SUV39H2: variants seen among roughly 807,000 people sequenced by gnomAD.
The protein encoded by SUV39H2 is histone-lysine N-methyltransferase SUV39H2.
Under a neutral mutation model 47.5 loss-of-function variants are expected in SUV39H2, and 10 were observed. The observed-to-expected ratio is 0.21, with a 90% CI of 0.13 to 0.36. The LOEUF (loss-of-function observed/expected upper bound fraction) is 0.36. Ranked by LOEUF, SUV39H2 falls within the 10% of genes least tolerant of loss-of-function variation. The pLI is 1.00. For missense variants in SUV39H2, 266 were observed against 487.4 expected, an observed-to-expected ratio of 0.55 and a Z score of 4.28; for synonymous variants, 159 against 166.8, an observed-to-expected ratio of 0.95 and a Z score of 0.36.
chr10:14,894,152 C>T (rs987062924), intron 2 of SUV39H2, among the ~76,000 whole-genome samples: 2 of 151,648 alleles, frequency 1.3e-5, no homozygotes, highest in Admixed American at 6.6e-5. Context: ...GTAGCGGTCA[C>T]CTGAAAGGAG....
chr10:14,887,557 C>G (rs1260707792), intron 2 of SUV39H2, among the ~76,000 whole-genome samples: 1 of 152,140 alleles, frequency 6.6e-6, no homozygotes, highest in Non-Finnish European at 1.5e-5. Context: ...GTAGTGAGAT[C>G]TAACTAGAAA....
At position 14,898,898 on chromosome 10, in the gene SUV39H2, T is replaced by C. The variant is rs546475649; in HGVS notation, c.850-641T>C. On this transcript the variant is annotated intron_variant, in intron 3 of 5. Coordinates refer to ENST00000354919, the MANE Select transcript of SUV39H2 (RefSeq NM_001193424.2). ...ATAGGAAAAATGTGCCTGGATCATA[T>C]TTAGAGCATATACTTGCAGATTTAG... 43 of 281,988 alleles carry C rather than the reference T, an allele frequency of 1.5e-4. No homozygotes were observed. In the South Asian group the frequency reaches 6.7e-3, roughly 44 times the overall value. 17.5% of individuals were successfully genotyped at this position (281,988 alleles called of 1,614,324 possible).
At chr10:14,891,328 G>A (rs774382485) in intron 2 of SUV39H2, among the ~76,000 whole-genome samples, 1 of 152,210 alleles carries the variant, frequency 6.6e-6, no homozygotes, top group Non-Finnish European at 1.5e-5. Context: ...AGCCAGAGAG[G>A]CATCAGGGAA....
In SUV39H2 at chr10:14,879,443, C is replaced by A. The variant is rs187511982; in HGVS notation, c.31+524C>A. Among the ~76,000 whole-genome samples the A allele has an allele frequency of 2.7e-3, 409 of 152,254 alleles. 1 individual carries two copies. The highest frequency in any genetic ancestry group is 4.5e-3 in the Non-Finnish European group (308 of 68,004). ...CTAAGAAAGGGGATAAGCGAGGAAT[C>A]CCCCCCAAGGCGGACACGCTAGGAG... On this transcript the variant is annotated intron_variant, in intron 1 of 5. Transcript: ENST00000354919.
chr10:14,891,405 A>C (rs1397825984), intron 2 of SUV39H2, among the ~76,000 whole-genome samples: 3 of 152,168 alleles, frequency 2.0e-5, no homozygotes, highest in Non-Finnish European at 4.4e-5. Context: ...CAGGGTGGAA[A>C]CCATTAACAG....
At chr10:14,901,057 T>G in intron 4 of SUV39H2, 76 bp from the exon 5 acceptor site, 1 of 1,536,214 alleles carries the variant, frequency 6.5e-7, no homozygotes, top group Non-Finnish European at 8.8e-7. Context: ...TCTAGGAAAG[T>G]AAACATTTTA....
chr10:14,886,792 C>G (rs915398710), intron 2 of SUV39H2, among the ~76,000 whole-genome samples: 4 of 152,164 alleles, frequency 2.6e-5, no homozygotes, highest in Non-Finnish European at 5.9e-5. Flanking sequence ...AAGAAATAAC[C>G]CGTTGCAGTG....
intron 1 of SUV39H2, chr10:14,879,124 G>T (rs1832961144): frequency 1.6e-6 from 2 of 1,267,962 alleles, no homozygotes; most frequent in African/African-American, 3.1e-5. Context: ...CTCCCGCCGC[G>T]GAGGTGGGCA....
chr10:14,881,577 A>G lies in SUV39H2; in HGVS notation c.109A>G (p.Ile37Val). 9 of 1,605,674 alleles carry G rather than the reference A, an allele frequency of 5.6e-6. No homozygotes were observed. Among genetic ancestry groups the G allele is most frequent in the Non-Finnish European group, 7.6e-6 (9 of 1,177,548 alleles). ...CRKEKLTCKS[I>V]GITKRNLNNY... ...AAAAGAAAAGCTCACATGTAAATCG[A>G]TTGGAATCACCAAAAGGAATCTAAA... Residue 37 changes from isoleucine to valine, a missense_variant, in exon 2 of 6, where the codon ATT becomes GTT. Physicochemically the swap from Ile to Val is conservative, Grantham distance 29 (BLOSUM62 3). Around this residue, in one of 4 missense-constraint regions of SUV39H2, gnomAD observed 32 missense variants for 77.2 expected, o/e 0.41. Coordinates refer to ENST00000354919, the MANE Select transcript of SUV39H2 (RefSeq NM_001193424.2).
intron 2 of SUV39H2, among the ~76,000 whole-genome samples, chr10:14,891,710 C>T (rs1364543689): frequency 6.6e-6 from 1 of 151,990 alleles, no homozygotes; most frequent in African/African-American, 2.4e-5. Flanking sequence ...AGTAGGTGGA[C>T]AGGTAAGATT....
intron 2 of SUV39H2, among the ~76,000 whole-genome samples, chr10:14,893,166 G>A (rs1299788699): frequency 6.6e-6 from 1 of 151,486 alleles, no homozygotes; most frequent in African/African-American, 2.4e-5. Context: ...ACCTCGCCCG[G>A]CTAATTTTTT....
At chr10:14,890,519 A>C (rs1422959129) in intron 2 of SUV39H2, among the ~76,000 whole-genome samples, 1 of 152,134 alleles carries the variant, frequency 6.6e-6, no homozygotes, top group Non-Finnish European at 1.5e-5. Flanking sequence ...CCGCCTCTTG[A>C]GTAGCTAAGA....
chr10:14,890,445 T>A (rs1451490453), intron 2 of SUV39H2, among the ~76,000 whole-genome samples: 2 of 152,200 alleles, frequency 1.3e-5, no homozygotes, highest in Non-Finnish European at 2.9e-5. Context: ...CAAGCTGGAG[T>A]GCAGTAGCCT....
At chr10:14,902,331 A>G (rs1000053246) in intron 5 of SUV39H2, 75 bp from the exon 6 acceptor site, 12 of 1,010,408 alleles carry the variant, frequency 1.2e-5, no homozygotes, top group East Asian at 2.6e-5. Flanking sequence ...TAAAGCTAAT[A>G]TAATAGAAAA....
Position 14,890,611 on chromosome 10 carries a change from G to A in SUV39H2, c.178-6235G>A, listed in dbSNP as rs180671703. ...TGTCCAGGCTGGTCTCCAACTCCTGGGCTCAAGCAATCCTCCTGCCTCAGC... is the reference window on the plus strand; with the variant it reads ...TGTCCAGGCTGGTCTCCAACTCCTGAGCTCAAGCAATCCTCCTGCCTCAGC... On this transcript the variant is annotated intron_variant, in intron 2 of 5. Transcript: ENST00000354919. Among the ~76,000 whole-genome samples the A allele has an allele frequency of 3.3e-3, 500 of 152,274 alleles. 10 individuals are homozygous for A. Among genetic ancestry groups the A allele is most frequent in the Admixed American group, 0.029 (443 of 15,300 alleles).
chr10:14,883,561 C>T (rs966414350), intron 2 of SUV39H2, among the ~76,000 whole-genome samples: 2 of 151,522 alleles, frequency 1.3e-5, no homozygotes, highest in African/African-American at 2.4e-5. Flanking sequence ...AAAAATTAGC[C>T]GGGCATGGTG....
At position 14,888,826 on chromosome 10, in the gene SUV39H2, C is replaced by T. The variant is rs1211916388; in HGVS notation, c.177+7181C>T. The stretch of plus-strand genomic sequence containing the variant: ...GAATGAATTAAAGAATGAACCAGGC[C>T]GGGTGCAGTGGCTCACGCCTGTAAT... On this transcript the variant is annotated intron_variant, in intron 2 of 5. Transcript: ENST00000354919. Among the ~76,000 whole-genome samples the T allele has an allele frequency of 3.9e-5, 6 of 152,036 alleles. No homozygotes were observed. The East Asian group carries it at 7.8e-4, about 20-fold the overall frequency.
intron 2 of SUV39H2, among the ~76,000 whole-genome samples, chr10:14,882,914 C>T (rs1036197242): frequency 4.6e-5 from 7 of 150,730 alleles, no homozygotes; most frequent in Admixed American, 2.0e-4. Flanking sequence ...GTCGCCCAGG[C>T]TGGAGTGCAG....
chr10:14,883,595 C>T (rs1177440667), intron 2 of SUV39H2, among the ~76,000 whole-genome samples: 3 of 150,306 alleles, frequency 2.0e-5, no homozygotes, highest in African/African-American at 4.9e-5. Flanking sequence ...ATCCCAGCTA[C>T]TCAGGAGGCT....
Sources: allele counts gnomAD v4.1 joint callset (sites outside exome capture counted in the v4.1 genomes callset), GRCh38; gene constraint gnomAD v4.1.1; regional missense constraint gnomAD v4.1.1; transcripts MANE v1.5; gene names NCBI Gene and HGNC (gene_info 2026-07-23, HGNC 2026-07-21).